Variants in CCSER1 observed in about 807,000 individuals in gnomAD.
CCSER1 encodes the protein serine-rich coiled-coil domain-containing protein 1.
In CCSER1, 41 loss-of-function variants were observed where a neutral mutation model predicts 82.0. The ratio of observed to expected loss-of-function variants is 0.50; its 90% CI spans 0.39 to 0.65. The LOEUF (loss-of-function observed/expected upper bound fraction) is 0.65. Ranked by LOEUF, CCSER1 falls within the 30% of genes least tolerant of loss-of-function variation. CCSER1 has a pLI of 0.00. For missense variants in CCSER1, 1,119 were observed against 1,064.2 expected, an observed-to-expected ratio of 1.05 and a Z score of -0.72; for synonymous variants, 414 against 383.9, an observed-to-expected ratio of 1.08 and a Z score of -0.92.
intron 8 of CCSER1, among the ~76,000 whole-genome samples, chr4:90,832,584 T>G (rs1761267985): frequency 6.6e-6 from 1 of 152,194 alleles, no homozygotes; most frequent in Admixed American, 6.5e-5. Context: ...TAGTGTTTTT[T>G]GGAAACATTT....
chr4:90,498,050 C>G (rs989618513), intron 5 of CCSER1, among the ~76,000 whole-genome samples: 2 of 149,822 alleles, frequency 1.3e-5, no homozygotes, highest in African/African-American at 4.9e-5. Context: ...TATTTTGGTT[C>G]TAGTAATCCC....
chr4:91,341,557 G>GT (rs568816539), intron 10 of CCSER1, among the ~76,000 whole-genome samples: 5 of 152,160 alleles, frequency 3.3e-5, no homozygotes, highest in Admixed American at 6.6e-5. Context: ...GTTTTGTTTT[G>GT]TTTTTTGTTT....
Position 90,661,737 on chromosome 4 carries a change from C to T in CCSER1, c.1932+33505C>T, listed in dbSNP as rs115289584. On this transcript the variant is annotated intron_variant, in intron 6 of 10. Coordinates refer to ENST00000509176, the MANE Select transcript of CCSER1 (RefSeq NM_001145065.2). The stretch of plus-strand genomic sequence containing the variant: ...CGTATGCTATTGGTCTTACTGAAAA[C>T]TATAAAAATGCAGAGATTTTATACA... Among the ~76,000 whole-genome samples the T allele has an allele frequency of 7.8e-3, 1,182 of 152,044 alleles. 15 individuals carry two copies. The highest frequency in any genetic ancestry group is 8.0e-3 in the Non-Finnish European group (541 of 67,952).
intron 8 of CCSER1, among the ~76,000 whole-genome samples, chr4:90,820,421 T>A (rs1237581401): frequency 6.6e-6 from 1 of 152,198 alleles, no homozygotes; most frequent in African/African-American, 2.4e-5. Context: ...CCCATCTCTC[T>A]GCTTCCAAGA....
chr4:91,331,952 A>G (rs1478105632), intron 10 of CCSER1, among the ~76,000 whole-genome samples: 1 of 152,124 alleles, frequency 6.6e-6, no homozygotes, highest in African/African-American at 2.4e-5. Context: ...ATCACCATCA[A>G]AATTAGGCTG....
intron 5 of CCSER1, among the ~76,000 whole-genome samples, chr4:90,507,807 T>G (rs1770922777): frequency 6.6e-6 from 1 of 152,108 alleles, no homozygotes; most frequent in East Asian, 1.9e-4. Context: ...GAATTCTTTT[T>G]TAGTTGTGCT....
At chr4:90,997,562 A>G (rs977701875) in intron 9 of CCSER1, among the ~76,000 whole-genome samples, 1 of 152,204 alleles carries the variant, frequency 6.6e-6, no homozygotes, top group African/African-American at 2.4e-5. Flanking sequence ...GAAGGGTGGC[A>G]TCATTCTGCT....
chr4:90,847,648 C>T (rs989066050), intron 8 of CCSER1, among the ~76,000 whole-genome samples: 4 of 151,894 alleles, frequency 2.6e-5, no homozygotes, highest in South Asian at 4.1e-4. Context: ...AGATTTTAAA[C>T]GTCGACTTAG....
intron 5 of CCSER1, among the ~76,000 whole-genome samples, chr4:90,470,577 G>A (rs1764222605): frequency 6.6e-6 from 1 of 152,010 alleles, no homozygotes; most frequent in Non-Finnish European, 1.5e-5. Context: ...GTTCTCAAAT[G>A]ATATCATCAA....
intron 5 of CCSER1, among the ~76,000 whole-genome samples, chr4:90,492,476 A>G (rs1327091205): frequency 6.6e-6 from 1 of 151,906 alleles, no homozygotes; most frequent in Non-Finnish European, 1.5e-5. Flanking sequence ...CAGCTCCTGG[A>G]TTCATTGATT....
chr4:90,368,783 C>G (rs1285315749), intron 3 of CCSER1, among the ~76,000 whole-genome samples: 4 of 151,790 alleles, frequency 2.6e-5, no homozygotes, highest in African/African-American at 9.7e-5. Context: ...CACACACACA[C>G]ACTACTAAAA....
At position 90,313,019 on chromosome 4, in the gene CCSER1, G is replaced by T; in HGVS notation, c.1481G>T (p.Gly494Val). Residue 494 changes from glycine (G) to valine (V), a missense_variant, in exon 3 of 11, where the codon GGT becomes GTT. Transcript: ENST00000509176. ...EVNSLRKQRA[G>V]SSSSKMNSLD... ...AATAGTTTAAGAAAGCAAAGAGCAGGTTCTTCATCTTCAAAAATGAACAGT... is the reference window on the plus strand; with the variant it reads ...AATAGTTTAAGAAAGCAAAGAGCAGTTTCTTCATCTTCAAAAATGAACAGT... The T allele has an allele frequency of 6.2e-7, 1 of 1,604,486 alleles. No individual in the cohort carries two copies. The highest frequency in any genetic ancestry group is 8.5e-7 in the Non-Finnish European group (1 of 1,174,980).
At chr4:90,654,641 A>T (rs888775740) in intron 6 of CCSER1, among the ~76,000 whole-genome samples, 4 of 152,042 alleles carry the variant, frequency 2.6e-5, no homozygotes, top group African/African-American at 9.7e-5. Context: ...TCATTTATTC[A>T]TTCATTCAAA....
chr4:90,752,513 T>A (rs900390604), intron 7 of CCSER1, among the ~76,000 whole-genome samples: 1 of 152,110 alleles, frequency 6.6e-6, no homozygotes, highest in Non-Finnish European at 1.5e-5. Flanking sequence ...ATATTTACAA[T>A]TTTATTATTA....
chr4:91,549,888 T>C (rs1275684118), intron 10 of CCSER1, among the ~76,000 whole-genome samples: 1 of 151,854 alleles, frequency 6.6e-6, no homozygotes, highest in Non-Finnish European at 1.5e-5. Context: ...CACTGTGAAC[T>C]TCACTGCCGC....
chr4:91,483,820 C>T (rs971061529), intron 10 of CCSER1, among the ~76,000 whole-genome samples: 2 of 152,054 alleles, frequency 1.3e-5, no homozygotes, highest in African/African-American at 2.4e-5. Context: ...CTCATGCGTT[C>T]TAACAATGCG....
intron 3 of CCSER1, among the ~76,000 whole-genome samples, chr4:90,318,996 G>A (rs955290640): frequency 6.6e-6 from 1 of 152,152 alleles, no homozygotes; most frequent in Admixed American, 6.5e-5. Context: ...TGGATTGTGA[G>A]CATCGAAATC....
At chr4:90,379,802 T>A (rs1299882751) in intron 3 of CCSER1, among the ~76,000 whole-genome samples, 2 of 152,076 alleles carry the variant, frequency 1.3e-5, no homozygotes, top group African/African-American at 4.8e-5. Context: ...CAAAAGATAT[T>A]TAATTGACTC....
At chr4:91,233,156 A>G (rs753452033) in intron 10 of CCSER1, among the ~76,000 whole-genome samples, 61 of 151,988 alleles carry the variant, frequency 4.0e-4, no homozygotes, top group Non-Finnish European at 8.1e-4. Context: ...GAAAGGGGCA[A>G]TAAATGATCC....
Sources: gnomAD v4.1 joint callset for allele counts (sites outside exome capture counted in the v4.1 genomes callset) on GRCh38, gnomAD v4.1.1 for gene constraint, MANE v1.5 for transcripts, NCBI Gene and HGNC (gene_info 2026-07-23, HGNC 2026-07-21) for gene names.